Variants in COMMD1 observed in about 807,000 individuals in gnomAD.
COMMD1 encodes the protein COMM domain-containing protein 1.
Under a neutral mutation model 17.2 loss-of-function variants are expected in COMMD1, and 10 were observed. The observed-to-expected ratio is 0.58, with a 90% confidence interval of 0.36 to 0.99. The LOEUF (loss-of-function observed/expected upper bound fraction) is 0.99, where lower values mean the gene tolerates loss of function less well. Among genes scored for constraint, COMMD1 ranks in the 50% least tolerant of loss-of-function variants. COMMD1 has a pLI of 0.01. For missense variants in COMMD1, 270 were observed against 231.8 expected, an observed-to-expected ratio of 1.17 and a Z score of -1.07; for synonymous variants, 97 against 91.6, an observed-to-expected ratio of 1.06 and a Z score of -0.34.
rs561750764 is a variant in COMMD1 at position 61,892,479 on chromosome 2, G to A, written n.119+3637G>A. Among the ~76,000 whole-genome samples the A allele has an allele frequency of 1.4e-4, 22 of 152,020 alleles. 2 individuals are homozygous for A. The South Asian group carries it at 4.6e-3, about 32-fold the overall frequency. ...AGGCGGAGGAGGGTGGATCAGCTGA[G>A]GTCAGGGGATTGAGACCATCCTGGC... On this transcript the variant is annotated intron_variant and non_coding_transcript_variant, in intron 1 of 2. Coordinates refer to the COMMD1 transcript ENST00000472729.
At chr2:61,913,678 C>T (rs1279959196) in intron 1 of COMMD1, among the ~76,000 whole-genome samples, 1 of 151,456 alleles carries the variant, frequency 6.6e-6, no homozygotes, top group African/African-American at 2.4e-5. Flanking sequence ...CTTCTATAGT[C>T]CCAGCTACTC....
intron 2 of COMMD1, among the ~76,000 whole-genome samples, chr2:62,019,352 T>C (rs781103220): frequency 1.4e-4 from 21 of 151,958 alleles, no homozygotes; most frequent in South Asian, 2.1e-4. Context: ...TTTTTGTATT[T>C]TTAGTAGAGA....
chr2:61,986,942 T>C (rs1672121761), intron 1 of COMMD1, among the ~76,000 whole-genome samples: 2 of 152,222 alleles, frequency 1.3e-5, no homozygotes, highest in African/African-American at 4.8e-5. Flanking sequence ...TTCTTTCTTT[T>C]GCTTGATCAA....
intron 1 of COMMD1, among the ~76,000 whole-genome samples, chr2:61,949,736 T>A (rs561864848): frequency 6.6e-6 from 1 of 152,276 alleles, no homozygotes; most frequent in Admixed American, 6.5e-5. Context: ...TGACACTGGG[T>A]AGGTGATGCT....
chr2:61,927,610 G>A (rs995438142), intron 1 of COMMD1, among the ~76,000 whole-genome samples: 1 of 151,980 alleles, frequency 6.6e-6, no homozygotes, highest in Non-Finnish European at 1.5e-5. Context: ...ATGTTAGCCA[G>A]GATGGTCTCG....
chr2:61,947,578 G>T (rs1251431050), intron 1 of COMMD1, among the ~76,000 whole-genome samples: 3 of 152,124 alleles, frequency 2.0e-5, no homozygotes, highest in Non-Finnish European at 4.4e-5. Context: ...AGCTACTCGG[G>T]AGGCTGAGGC....
At chr2:62,067,255 G>T (rs769424680) in intron 2 of COMMD1, among the ~76,000 whole-genome samples, 4 of 151,916 alleles carry the variant, frequency 2.6e-5, no homozygotes, top group Non-Finnish European at 4.4e-5. Flanking sequence ...AAAATCCTAG[G>T]TTCAAGTTTC....
intron 2 of COMMD1, among the ~76,000 whole-genome samples, chr2:62,058,111 A>T (rs970446343): frequency 1.3e-5 from 2 of 152,126 alleles, no homozygotes; most frequent in African/African-American, 4.8e-5. Context: ...TTTGAGATTT[A>T]TTGAGACTTA....
chr2:61,970,734 T>C (rs1262665356), intron 1 of COMMD1, among the ~76,000 whole-genome samples: 2 of 152,192 alleles, frequency 1.3e-5, no homozygotes, highest in Non-Finnish European at 2.9e-5. Context: ...TTTTCTTTCT[T>C]GGAAAAATTG....
At chr2:62,073,595 C>G (rs1671259129) in intron 2 of COMMD1, among the ~76,000 whole-genome samples, 1 of 152,212 alleles carries the variant, frequency 6.6e-6, no homozygotes, top group African/African-American at 2.4e-5. Context: ...CCCTAAAATG[C>G]TTAAAACCAA....
intron 2 of COMMD1, among the ~76,000 whole-genome samples, chr2:62,004,671 G>C (rs532035371): frequency 1.1e-4 from 16 of 152,264 alleles, no homozygotes; most frequent in Admixed American, 1.0e-3. Context: ...AACAATAATA[G>C]AACCTAGACT....
In COMMD1 at chr2:61,970,720, T is replaced by A. The variant is rs571295426; in HGVS notation, c.181-29981T>A. 2.2e-4 allele frequency among the ~76,000 whole-genome samples: 34 copies of A among 152,210 alleles called. No individual in the cohort carries two copies. In the South Asian group the frequency reaches 7.1e-3, roughly 32 times the overall value. On this transcript the variant is annotated intron_variant, in intron 1 of 2. Coordinates refer to ENST00000311832, the MANE Select transcript of COMMD1 (RefSeq NM_152516.4). Reference sequence around the variant, plus strand: ...GATAAAGAATATTTCCTATGATTAATTTTTTTTCTTTCTTGGAAAAATTGG... The same window carrying A: ...GATAAAGAATATTTCCTATGATTAAATTTTTTTCTTTCTTGGAAAAATTGG...
intron 1 of COMMD1, among the ~76,000 whole-genome samples, chr2:61,892,694 CAA>C (rs58162146): frequency 1.6e-4 from 18 of 110,512 alleles, no homozygotes; most frequent in Admixed American, 2.8e-4. Context: ...AACTCTGTCT[CAA>C]AAAAAAAAAA....
chr2:61,894,499 G>C (rs995888606), intron 1 of COMMD1, among the ~76,000 whole-genome samples: 2 of 151,762 alleles, frequency 1.3e-5, no homozygotes, highest in Non-Finnish European at 2.9e-5. Context: ...CCAATGTATG[G>C]GTTTACAAGA....
chr2:62,063,217 A>C (rs1670919635), intron 2 of COMMD1, among the ~76,000 whole-genome samples: 1 of 152,160 alleles, frequency 6.6e-6, no homozygotes, highest in Non-Finnish European at 1.5e-5. Context: ...CTCCGTCTCA[A>C]AAATAAAAAT....
intron 1 of COMMD1, among the ~76,000 whole-genome samples, chr2:61,989,497 C>T (rs926183386): frequency 1.3e-5 from 2 of 149,444 alleles, no homozygotes; most frequent in Non-Finnish European, 3.0e-5. Flanking sequence ...GAGTTTCACT[C>T]GGTCGCCCAG....
At chr2:62,020,908 C>T (rs1456954681) in intron 2 of COMMD1, among the ~76,000 whole-genome samples, 3 of 150,896 alleles carry the variant, frequency 2.0e-5, no homozygotes, top group Non-Finnish European at 2.9e-5. Context: ...GAGGCTGAGG[C>T]GGGAGAATTG....
At chr2:61,901,016 G>A (rs572194817), upstream of COMMD1, among the ~76,000 whole-genome samples, 5 of 151,918 alleles carry the variant, frequency 3.3e-5, no homozygotes, top group African/African-American at 1.2e-4. Flanking sequence ...GCGTGATCTC[G>A]GCTCACTGCA....
intron 1 of COMMD1, among the ~76,000 whole-genome samples, chr2:61,944,114 T>A (rs766771174): frequency 6.6e-6 from 1 of 152,018 alleles, no homozygotes; most frequent in Non-Finnish European, 1.5e-5. Context: ...CATGAGCCAA[T>A]CGAGATTAAT....
Sources: gnomAD v4.1 joint callset for allele counts (sites outside exome capture counted in the v4.1 genomes callset) on GRCh38, gnomAD v4.1.1 for gene constraint, MANE v1.5 for transcripts, NCBI Gene and HGNC (gene_info 2026-07-23, HGNC 2026-07-21) for gene names.